Variants in CCDC38 observed in about 807,000 individuals in gnomAD.
CCDC38 encodes coiled-coil domain containing 38.
A neutral mutation model predicts 72.8 loss-of-function variants in CCDC38; 69 were observed. The observed-to-expected ratio is 0.95, with a 90% confidence interval of 0.78 to 1.16. The LOEUF (loss-of-function observed/expected upper bound fraction) is 1.16, where lower values mean the gene tolerates loss of function less well. CCDC38 is among the 50% of genes most tolerant of loss of function. The pLI is 0.00. For missense variants in CCDC38, 626 were observed against 638.9 expected (o/e 0.98, Z 0.22); for synonymous variants, 201 against 213.2 (o/e 0.94, Z 0.50).
chr12:95,888,510 TTCAAAATGTCCAGGTGAGGCC>T lies in CCDC38; in HGVS notation c.872-25_872-5del, dbSNP rs1340812098. ...GTCAGGCTTCTGCTTGGCTTTCCTG[TTCAAAATGTCCAGGTGAGGCC>T]ATGCCGTTGGTGATGGTGGAGTGAA... On this transcript the variant is annotated splice_polypyrimidine_tract_variant and splice_region_variant and intron_variant, in intron 9 of 15. Transcript: ENST00000344280. 11 of 1,614,090 alleles carry T rather than the reference TTCAAAATGTCCAGGTGAGGCC, an allele frequency of 6.8e-6. No individual in the cohort carries two copies. Among genetic ancestry groups the T allele is most frequent in the Non-Finnish European group, 9.3e-6 (11 of 1,179,992 alleles).
intron 14 of CCDC38, 91 bp downstream of exon 14, chr12:95,872,164 A>G: frequency 8.8e-7 from 1 of 1,136,484 alleles, no homozygotes; most frequent in Non-Finnish European, 1.3e-6. Context: ...TCCCTATAAT[A>G]TGACATTACA....
chr12:95,928,760 C>G (rs1210469397), intron 2 of CCDC38, among the ~76,000 whole-genome samples: 1 of 152,194 alleles, frequency 6.6e-6, no homozygotes, highest in Admixed American at 6.5e-5. Flanking sequence ...TTCTAACAGA[C>G]AGGACCCTCA....
rs12322473 is a variant in CCDC38, at chr12:95,898,555, T to G, written c.533+13A>C. 4.9e-4 allele frequency: 783 copies of G among 1,613,906 alleles called. 7 individuals are homozygous for G. In the African/African-American group the frequency reaches 8.8e-3, roughly 18 times the overall value. Reference sequence around the variant, plus strand: ...AGAGGTGGGAAGGATTTGGCCAGAGTGATGAAACAAACATTTTCAGAGCGT... The same window carrying G: ...AGAGGTGGGAAGGATTTGGCCAGAGGGATGAAACAAACATTTTCAGAGCGT... On this transcript the variant is annotated intron_variant, in intron 6 of 15. Transcript: ENST00000344280.
At position 95,879,938 on chromosome 12, in the gene CCDC38, C is replaced by T. The variant is rs112139047; in HGVS notation, c.991-143G>A. On this transcript the variant is annotated intron_variant, in intron 11 of 15. Transcript: ENST00000344280. This position sits in a 1 kb window ranked among gnomAD's most constrained non-coding sequence, Gnocchi z 5.5. Reference sequence around the variant, plus strand: ...CAGGTAGGAACTTGTATGGGAAACTCGCCTATTTCCAAGTGAGAGCTGGCT... The same window carrying T: ...CAGGTAGGAACTTGTATGGGAAACTTGCCTATTTCCAAGTGAGAGCTGGCT... The T allele has an allele frequency of 5.7e-6, 3 of 529,992 alleles. No individual in the cohort carries two copies. The highest frequency in any genetic ancestry group is 3.7e-5 in the South Asian group (1 of 26,798). The allele number at this position is 529,992 out of a possible 1,614,324, so 32.8% of individuals were successfully genotyped here.
intron 15 of CCDC38, 41 bp from the exon 16 acceptor site, chr12:95,867,230 C>G: frequency 1.9e-6 from 2 of 1,054,044 alleles, no homozygotes; most frequent in Non-Finnish European, 2.9e-6. Flanking sequence ...ATTTTTTGAG[C>G]ATAGCCATTT....
intron 2 of CCDC38, among the ~76,000 whole-genome samples, chr12:95,927,773 T>G (rs1306343542): frequency 4.0e-5 from 6 of 151,544 alleles, no homozygotes; most frequent in Non-Finnish European, 5.9e-5. Flanking sequence ...GTCTGTAAAG[T>G]ATTTTATTTC....
chr12:95,871,482 C>G (rs775921692), intron 14 of CCDC38, among the ~76,000 whole-genome samples: 1 of 152,128 alleles, frequency 6.6e-6, no homozygotes, highest in Non-Finnish European at 1.5e-5. Flanking sequence ...TACCAAGGGA[C>G]AACTGTTTGT....
Position 95,881,484 on chromosome 12 carries a change from C to T in CCDC38, c.990+1G>A. On this transcript the variant is annotated splice_donor_variant, in intron 11 of 15. Coordinates refer to ENST00000344280, the MANE Select transcript of CCDC38 (RefSeq NM_182496.3). LOFTEE classifies it high-confidence loss of function. Reference sequence around the variant, plus strand: ...TAAACTAGCAAATATAATCTGGTTACCAAATCAACGTCCATTTCATCATCT... The same window carrying T: ...TAAACTAGCAAATATAATCTGGTTATCAAATCAACGTCCATTTCATCATCT... The T allele has an allele frequency of 6.2e-7, 1 of 1,605,434 alleles. No homozygotes were observed. The highest frequency in any genetic ancestry group is 8.5e-7 in the Non-Finnish European group (1 of 1,175,032).
rs757957546 is a variant in CCDC38 at position 95,918,870 on chromosome 12, C to A, written c.138+6G>T. On this transcript the variant is annotated splice_donor_region_variant and intron_variant, in intron 3 of 15. Transcript: ENST00000344280. ...AATTGGGGTTGTGATTTTAATTAAA[C>A]TTTACCGTTTCCTTTGCTGCCATTT... 6.4e-7 allele frequency: 1 copy of A among 1,572,676 alleles called. No individual in the cohort carries two copies. Among genetic ancestry groups the A allele is most frequent in the Non-Finnish European group, 8.8e-7 (1 of 1,142,730 alleles).
chr12:95,902,701 T>G (rs1251092159), intron 5 of CCDC38, among the ~76,000 whole-genome samples: 1 of 152,174 alleles, frequency 6.6e-6, no homozygotes, highest in African/African-American at 2.4e-5. Context: ...TTATTTTTCT[T>G]GGATAAATTC....
intron 2 of CCDC38, among the ~76,000 whole-genome samples, chr12:95,928,758 G>A (rs1292145599): frequency 6.6e-6 from 1 of 152,156 alleles, no homozygotes; most frequent in Non-Finnish European, 1.5e-5. Flanking sequence ...CCTTCTAACA[G>A]ACAGGACCCT....
Position 95,906,385 on chromosome 12 carries a change from A to C in CCDC38, c.369+2T>G, listed in dbSNP as rs200850095. 18 of 1,606,320 alleles carry C rather than the reference A, an allele frequency of 1.1e-5. No homozygotes were observed. Among genetic ancestry groups the C allele is most frequent in the Non-Finnish European group, 1.5e-5 (18 of 1,173,730 alleles). On this transcript the variant is annotated splice_donor_variant, in intron 5 of 15. Transcript: ENST00000344280. LOFTEE classifies it high-confidence loss of function. ...CTAGGGGAGAAAAGTTATTTTTACTACCTCGAGCAGAAACCTGTCTCTCTG... is the reference window on the plus strand; with the variant it reads ...CTAGGGGAGAAAAGTTATTTTTACTCCCTCGAGCAGAAACCTGTCTCTCTG...
At chr12:95,887,409 T>C (rs1405281163) in intron 10 of CCDC38, among the ~76,000 whole-genome samples, 1 of 152,232 alleles carries the variant, frequency 6.6e-6, no homozygotes, top group Non-Finnish European at 1.5e-5. Flanking sequence ...TACCATAGTA[T>C]ACTACTCATC....
chr12:95,918,353 C>A (rs2136720218), intron 3 of CCDC38, among the ~76,000 whole-genome samples: 1 of 152,324 alleles, frequency 6.6e-6, no homozygotes, highest in Non-Finnish European at 1.5e-5. Context: ...ATATCTGATT[C>A]TTGAAGACCC....
intron 4 of CCDC38, among the ~76,000 whole-genome samples, chr12:95,911,846 C>T (rs1051452297): frequency 1.3e-5 from 2 of 152,108 alleles, no homozygotes; most frequent in Non-Finnish European, 2.9e-5. Context: ...ATCATCCAAC[C>T]CAGCAATCCC....
At chr12:95,867,263 C>A in intron 15 of CCDC38, 74 bp from the exon 16 acceptor site, 1 of 772,030 alleles carries the variant, frequency 1.3e-6, no homozygotes, top group Non-Finnish European at 2.2e-6. Context: ...TGTGAAATAC[C>A]AATATTAACT....
At chr12:95,935,588 T>C in intron 2 of CCDC38, 1 of 250,114 alleles carries the variant, frequency 4.0e-6, no homozygotes, top group Non-Finnish European at 8.4e-6. Flanking sequence ...TTCTGTCTCT[T>C]GCAGCCAAAC....
At chr12:95,884,099 A>G (rs1208640614) in intron 10 of CCDC38, among the ~76,000 whole-genome samples, 1 of 152,258 alleles carries the variant, frequency 6.6e-6, no homozygotes, top group Non-Finnish European at 1.5e-5. Context: ...ATAAAGCAAG[A>G]AAAAGAGATA....
intron 1 of CCDC38, among the ~76,000 whole-genome samples, chr12:95,940,211 A>G (rs2080434185): frequency 6.6e-6 from 1 of 152,206 alleles, no homozygotes; most frequent in East Asian, 1.9e-4. Flanking sequence ...GAAACTCCCA[A>G]TCAAAGTTCT....
Sources: allele counts gnomAD v4.1 joint callset (sites outside exome capture counted in the v4.1 genomes callset), GRCh38; gene constraint gnomAD v4.1.1; non-coding constraint Gnocchi (gnomAD v3.1); transcripts MANE v1.5; gene names NCBI Gene and HGNC (gene_info 2026-07-23, HGNC 2026-07-21).